SAMD4A: variants seen among roughly 807,000 people sequenced by gnomAD.
SAMD4A encodes protein Smaug homolog 1.
SAMD4A carries 33 observed loss-of-function variants against 81.3 expected under a neutral mutation model. The ratio of observed to expected loss-of-function variants is 0.41; its 90% confidence interval spans 0.31 to 0.54. SAMD4A has a LOEUF of 0.54. Ranked by LOEUF, SAMD4A falls within the 20% of genes least tolerant of loss-of-function variation. SAMD4A has a pLI of 0.37. For synonymous variants in SAMD4A, 389 were observed against 382.1 expected, an observed-to-expected ratio of 1.02 and a Z score of -0.21; for missense variants, 854 against 951.1, an observed-to-expected ratio of 0.90 and a Z score of 1.34.
At chr14:54,773,342 G>A (rs1250679918) in intron 9 of SAMD4A, among the ~76,000 whole-genome samples, 1 of 152,110 alleles carries the variant, frequency 6.6e-6, no homozygotes, top group African/African-American at 2.4e-5. Context: ...CCTGCTTCCC[G>A]GAGTCTCCCC....
chr14:54,649,553 G>A (rs908713722), intron 2 of SAMD4A, among the ~76,000 whole-genome samples: 13 of 152,182 alleles, frequency 8.5e-5, no homozygotes, highest in East Asian at 1.9e-4. Context: ...AGTACCTGAC[G>A]ACATAGCAAC....
intron 2 of SAMD4A, among the ~76,000 whole-genome samples, chr14:54,628,309 G>A (rs892056379): frequency 3.3e-5 from 5 of 152,146 alleles, no homozygotes; most frequent in Admixed American, 2.6e-4. Flanking sequence ...TTGCCCGGAC[G>A]GTCTAGGTGG....
At chr14:54,769,653 G>A (rs1200326896) in intron 8 of SAMD4A, among the ~76,000 whole-genome samples, 1 of 152,142 alleles carries the variant, frequency 6.6e-6, no homozygotes, top group African/African-American at 2.4e-5. Context: ...CTGACACCCT[G>A]TAGACCACTC....
intron 2 of SAMD4A, among the ~76,000 whole-genome samples, chr14:54,695,327 AG>A (rs1334255744): frequency 6.6e-6 from 1 of 152,228 alleles, no homozygotes; most frequent in Non-Finnish European, 1.5e-5. Flanking sequence ...CTAGACCTGG[AG>A]GAGCCACTTC....
At chr14:54,606,509 G>C (rs1258113600) in intron 2 of SAMD4A, among the ~76,000 whole-genome samples, 1 of 152,186 alleles carries the variant, frequency 6.6e-6, no homozygotes, top group Non-Finnish European at 1.5e-5. Context: ...TGCACTTGAG[G>C]CTGCAGGCCA....
Position 54,771,912 on chromosome 14 carries a change from C to A in SAMD4A, c.1715+1690C>A, listed in dbSNP as rs539214974. Among the ~76,000 whole-genome samples, 32 of 152,316 alleles carry A rather than the reference C, an allele frequency of 2.1e-4. 2 individuals are homozygous for A. The South Asian group carries it at 6.2e-3, about 30-fold the overall frequency. On this transcript the variant is annotated intron_variant, in intron 9 of 12. Coordinates refer to ENST00000554335, the MANE Select transcript of SAMD4A (RefSeq NM_015589.6). ...CAGGGGACATGAACCTTGACCTCTC[C>A]AGGGTGTTTGTTAGTAACACTTGGA...
intron 2 of SAMD4A, among the ~76,000 whole-genome samples, chr14:54,646,019 T>C (rs1199331234): frequency 6.6e-6 from 1 of 152,234 alleles, no homozygotes; most frequent in East Asian, 1.9e-4. Context: ...TCATCTCTCA[T>C]TGTAGATCAA....
intron 8 of SAMD4A, among the ~76,000 whole-genome samples, chr14:54,769,289 G>T (rs765879359): frequency 6.6e-6 from 1 of 152,136 alleles, no homozygotes; most frequent in Non-Finnish European, 1.5e-5. Flanking sequence ...AGGGAGCCCA[G>T]GTATCTGAAT....
chr14:54,695,213 A>G (rs1297833464), intron 2 of SAMD4A, among the ~76,000 whole-genome samples: 2 of 152,248 alleles, frequency 1.3e-5, no homozygotes, highest in African/African-American at 2.4e-5. Flanking sequence ...ATGACTTAAC[A>G]TAACAACAAG....
chr14:54,665,107 G>C (rs1333141012), intron 2 of SAMD4A, among the ~76,000 whole-genome samples: 1 of 152,094 alleles, frequency 6.6e-6, no homozygotes, highest in Non-Finnish European at 1.5e-5. Context: ...AAATGTGAGA[G>C]TGCCTGTAGA....
intron 2 of SAMD4A, chr14:54,688,163 C>A (rs151009632): frequency 2.0e-6 from 2 of 985,450 alleles, no homozygotes; most frequent in East Asian, 1.1e-4. Context: ...TGCCCTCACC[C>A]CTAAACTCAG....
At chr14:54,607,616 C>G (rs949211676) in intron 2 of SAMD4A, among the ~76,000 whole-genome samples, 2 of 151,746 alleles carry the variant, frequency 1.3e-5, no homozygotes, top group African/African-American at 4.8e-5. Context: ...CCACCATGCC[C>G]GGCTAATTTT....
At chr14:54,727,494 G>C (rs1030534610) in intron 3 of SAMD4A, among the ~76,000 whole-genome samples, 27 of 151,864 alleles carry the variant, frequency 1.8e-4, no homozygotes, top group Admixed American at 4.6e-4. Flanking sequence ...CAGCCTTGGG[G>C]GCCATTTTAA....
intron 2 of SAMD4A, among the ~76,000 whole-genome samples, chr14:54,595,900 A>G (rs1208807549): frequency 6.6e-6 from 1 of 152,230 alleles, no homozygotes; most frequent in Non-Finnish European, 1.5e-5. Flanking sequence ...TGATAGTCTA[A>G]GGATCTTAGT....
At chr14:54,759,408 G>A (rs981834811) in intron 6 of SAMD4A, among the ~76,000 whole-genome samples, 18 of 152,194 alleles carry the variant, frequency 1.2e-4, no homozygotes, top group African/African-American at 3.4e-4. Context: ...CACCTGGAGC[G>A]TTTCTCCCCA....
At position 54,760,333 on chromosome 14, in the gene SAMD4A, G is replaced by A; in HGVS notation, c.1349G>A (p.Cys450Tyr). 6.2e-7 allele frequency: 1 copy of A among 1,602,394 alleles called. No homozygotes were observed. The highest frequency in any genetic ancestry group is 8.5e-7 in the Non-Finnish European group (1 of 1,177,296). The part of the protein sequence containing the change: ...LMGPESQSPD[C>Y]KDGAAATGAT... ...GGCCCCGAGAGCCAGAGCCCCGACTGCAAAGATGGGGCCGCAGCCACTGGC... is the reference window on the plus strand; with the variant it reads ...GGCCCCGAGAGCCAGAGCCCCGACTACAAAGATGGGGCCGCAGCCACTGGC... The change falls in exon 7 of 13, where the codon TGC becomes TAC. Residue 450 changes from cysteine to tyrosine, a missense_variant. Physicochemically the swap from Cys to Tyr is radical, Grantham distance 194. Transcript: ENST00000554335.
upstream of SAMD4A, among the ~76,000 whole-genome samples, chr14:54,566,714 C>T (rs1442075000): frequency 2.0e-5 from 3 of 151,712 alleles, no homozygotes; most frequent in Non-Finnish European, 4.4e-5. Flanking sequence ...ACAGACCAGC[C>T]CGTAGGCGGC....
chr14:54,692,876 G>GCAC (rs1555343971), intron 2 of SAMD4A: 1 of 132,412 alleles, frequency 7.6e-6, no homozygotes, highest in Non-Finnish European at 1.6e-5. Flanking sequence ...ATCACTTAGT[G>GCAC]CCCCCCCCCG....
chr14:54,702,453 T>G lies in SAMD4A; in HGVS notation c.588T>G (p.Ser196=). The change falls in exon 3 of 13, where the codon TCT becomes TCG. Residue 196 remains serine, a synonymous_variant. Transcript: ENST00000554335. ...ATGGGTGGCAGAACTCTCGGGATTC[T>G]GGGATTTGCATCAATGCCTCCAACT... The part of the protein sequence containing the change: ...KLNGWQNSRD[S]GICINASNWQ... 1 of 1,614,160 alleles carries G rather than the reference T, an allele frequency of 6.2e-7. No homozygotes were observed. The highest frequency in any genetic ancestry group is 8.5e-7 in the Non-Finnish European group (1 of 1,180,002).
Sources: allele counts gnomAD v4.1 joint callset (sites outside exome capture counted in the v4.1 genomes callset), GRCh38; gene constraint gnomAD v4.1.1; transcripts MANE v1.5; gene names NCBI Gene and HGNC (gene_info 2026-07-23, HGNC 2026-07-21).